The following AGBL1 variants were observed in gnomAD, a reference collection of about 807,000 sequenced individuals.
The protein encoded by AGBL1 is cytosolic carboxypeptidase 4.
AGBL1 carries 130 observed loss-of-function variants against 118.9 expected under a neutral mutation model. That is an observed-to-expected ratio of 1.09 (90% CI 0.95 to 1.26). AGBL1 has a LOEUF of 1.26. Ranked by LOEUF, AGBL1 falls within the 50% of genes most tolerant of loss-of-function variation. The pLI is 0.00. For missense variants in AGBL1, 1,584 were observed against 1,298.1 expected, an observed-to-expected ratio of 1.22 and a Z score of -3.38; for synonymous variants, 555 against 478.9, an observed-to-expected ratio of 1.16 and a Z score of -2.08.
chr15:86,977,087 G>A (rs905024875), intron 23 of AGBL1, among the ~76,000 whole-genome samples: 4 of 151,934 alleles, frequency 2.6e-5, no homozygotes, highest in Admixed American at 2.0e-4. Context: ...TATGCTCTGT[G>A]TGTGTGTGTT....
intron 22 of AGBL1, among the ~76,000 whole-genome samples, chr15:86,737,493 G>C (rs2077619002): frequency 6.6e-6 from 1 of 152,168 alleles, no homozygotes; most frequent in Non-Finnish European, 1.5e-5. Flanking sequence ...GGTTTCAAAA[G>C]CCTAACAAAG....
intron 23 of AGBL1, among the ~76,000 whole-genome samples, chr15:86,934,891 G>T (rs370778949): frequency 2.7e-4 from 41 of 152,280 alleles, no homozygotes; most frequent in Middle Eastern, 3.4e-3. Flanking sequence ...TGGGGAAATT[G>T]TTGGTAGGAC....
chr15:86,827,337 ATG>A lies in AGBL1; in HGVS notation c.3159-79746_3159-79745del, dbSNP rs1293706215. Among the ~76,000 whole-genome samples the A allele has an allele frequency of 3.2e-4, 3 of 9,464 alleles. 1 individual carries two copies. The highest frequency in any genetic ancestry group is 4.5e-4 in the Non-Finnish European group (3 of 6,626). 6.2% of individuals were successfully genotyped at this position (9,464 alleles called of 152,430 possible). ...TATATACACACACATATATATATAT[ATG>A]TGTATATATATATATATATATATGT... On this transcript the variant is annotated intron_variant, in intron 22 of 22. Transcript: ENST00000614907.
intron 18 of AGBL1, among the ~76,000 whole-genome samples, chr15:86,455,972 A>G (rs980656448): frequency 6.6e-6 from 1 of 152,154 alleles, no homozygotes; most frequent in South Asian, 2.1e-4. Flanking sequence ...AGTTTTTAGC[A>G]TATTTCCTTG....
chr15:86,801,661 G>A (rs1180493142), intron 22 of AGBL1, among the ~76,000 whole-genome samples: 1 of 152,036 alleles, frequency 6.6e-6, no homozygotes, highest in African/African-American at 2.4e-5. Context: ...TCAACATAGA[G>A]ATAACTATAT....
intron 22 of AGBL1, among the ~76,000 whole-genome samples, chr15:86,770,232 C>T (rs1046307525): frequency 6.6e-6 from 1 of 151,914 alleles, no homozygotes; most frequent in South Asian, 2.1e-4. Context: ...AAGACTGGGT[C>T]CTGCTCTCAT....
At chr15:86,641,384 A>T (rs1273560191) in intron 21 of AGBL1, among the ~76,000 whole-genome samples, 2 of 151,680 alleles carry the variant, frequency 1.3e-5, no homozygotes, top group African/African-American at 4.9e-5. Flanking sequence ...ATAAAATGAA[A>T]GCTCTAGTTT....
At chr15:86,753,266 C>T (rs1046691808) in intron 22 of AGBL1, among the ~76,000 whole-genome samples, 1 of 152,024 alleles carries the variant, frequency 6.6e-6, no homozygotes, top group African/African-American at 2.4e-5. Context: ...TAGCCAAGGA[C>T]TCTGACCAAT....
chr15:86,813,450 T>C (rs2078819700), intron 22 of AGBL1, among the ~76,000 whole-genome samples: 2 of 152,204 alleles, frequency 1.3e-5, no homozygotes, highest in South Asian at 4.1e-4. Flanking sequence ...TCTGCCTTCC[T>C]TTTATAAGAA....
chr15:86,863,488 C>T (rs1443675086), intron 22 of AGBL1, among the ~76,000 whole-genome samples: 2 of 151,522 alleles, frequency 1.3e-5, no homozygotes, highest in African/African-American at 4.9e-5. Context: ...TAATCGCTGC[C>T]TGAGAAAGCT....
chr15:86,980,602 A>T (rs2081222372), intron 23 of AGBL1, among the ~76,000 whole-genome samples: 1 of 152,188 alleles, frequency 6.6e-6, no homozygotes, highest in African/African-American at 2.4e-5. Flanking sequence ...TATTAGAGAG[A>T]TTTTTTGAGA....
intron 9 of AGBL1, among the ~76,000 whole-genome samples, chr15:86,261,900 A>G (rs2078992228): frequency 2.0e-5 from 3 of 152,064 alleles, no homozygotes; most frequent in African/African-American, 7.2e-5. Flanking sequence ...TAGTAGGAGA[A>G]TACCAGCTCC....
intron 20 of AGBL1, among the ~76,000 whole-genome samples, chr15:86,549,569 A>G (rs1354004448): frequency 6.6e-6 from 1 of 152,048 alleles, no homozygotes; most frequent in Non-Finnish European, 1.5e-5. Context: ...AAAAAGTATA[A>G]TCTATGATGT....
chr15:86,285,748 G>GTAA (rs528739955), intron 16 of AGBL1, among the ~76,000 whole-genome samples: 14 of 152,236 alleles, frequency 9.2e-5, no homozygotes, highest in African/African-American at 2.6e-4. Context: ...TGTGGAAAAT[G>GTAA]TAATAATAAT....
chr15:86,734,270 A>G (rs1200959755), intron 22 of AGBL1, among the ~76,000 whole-genome samples: 1 of 152,208 alleles, frequency 6.6e-6, no homozygotes, highest in African/African-American at 2.4e-5. Context: ...TCTAAAGTAT[A>G]TATTTCTGTG....
intron 21 of AGBL1, among the ~76,000 whole-genome samples, chr15:86,620,610 A>G (rs1160664598): frequency 6.6e-6 from 1 of 152,140 alleles, no homozygotes; most frequent in Non-Finnish European, 1.5e-5. Flanking sequence ...CCAGAAATCA[A>G]TCTATCCTCT....
Position 86,775,558 on chromosome 15 carries a change from TGAA to T in AGBL1, c.3158+101128_3158+101130del, listed in dbSNP as rs898091795. The stretch of plus-strand genomic sequence containing the variant: ...AGAGCTGTCAATATCTCATACTCTC[TGAA>T]GAAGATCACTTGGCATGGCTAGTTT... On this transcript the variant is annotated intron_variant, in intron 22 of 22. Transcript: ENST00000614907. Among the ~76,000 whole-genome samples, 42 of 152,246 alleles carry T rather than the reference TGAA, an allele frequency of 2.8e-4. 1 individual carries two copies. Among genetic ancestry groups the T allele is most frequent in the Admixed American group, 5.2e-4 (8 of 15,282 alleles).
Position 86,639,554 on chromosome 15 carries a change from T to C in AGBL1, c.2995-34719T>C, listed in dbSNP as rs183739608. Among the ~76,000 whole-genome samples the C allele has an allele frequency of 1.7e-3, 255 of 152,274 alleles. 2 individuals are homozygous for C. Among genetic ancestry groups the C allele is most frequent in the Non-Finnish European group, 7.9e-4 (54 of 68,014 alleles). On this transcript the variant is annotated intron_variant, in intron 21 of 22. Coordinates refer to ENST00000614907, the MANE Select transcript of AGBL1 (RefSeq NM_001386094.1). ...GCCACACCTCCTCTGAATTCCAGTT[T>C]TTCCCTCCCATCTACTTAACTCATA...
chr15:86,724,781 C>A (rs1390601266), intron 22 of AGBL1, among the ~76,000 whole-genome samples: 1 of 151,996 alleles, frequency 6.6e-6, no homozygotes, highest in African/African-American at 2.4e-5. Flanking sequence ...TTGTAAGACC[C>A]GGTTGTTTAA....
Sources: gnomAD v4.1 joint callset for allele counts (sites outside exome capture counted in the v4.1 genomes callset) on GRCh38, gnomAD v4.1.1 for gene constraint, MANE v1.5 for transcripts, NCBI Gene and HGNC (gene_info 2026-07-23, HGNC 2026-07-21) for gene names.